CREB5: variants seen among roughly 807,000 people sequenced by gnomAD.
CREB5 encodes cyclic AMP-responsive element-binding protein 5.
A neutral mutation model predicts 57.1 loss-of-function variants in CREB5; 19 were observed. The ratio of observed to expected loss-of-function variants is 0.33; its 90% CI spans 0.23 to 0.49. The LOEUF is 0.49. Ranked by LOEUF, CREB5 falls within the 20% of genes least tolerant of loss-of-function variation. The pLI, the probability that CREB5 is intolerant of heterozygous loss-of-function variation, is 0.99. For missense variants in CREB5, 579 were observed against 671.6 expected (o/e 0.86, Z 1.52); for synonymous variants, 238 against 238.3 (o/e 1.00, Z 0.01).
intron 1 of CREB5, among the ~76,000 whole-genome samples, chr7:28,319,865 A>T (rs564291462): frequency 6.6e-6 from 1 of 152,060 alleles, no homozygotes; most frequent in Non-Finnish European, 1.5e-5. Context: ...CTCATGGAAA[A>T]CATTCCCCTT....
chr7:28,555,596 G>A (rs1355273630), intron 4 of CREB5, among the ~76,000 whole-genome samples: 4 of 151,972 alleles, frequency 2.6e-5, no homozygotes, highest in Non-Finnish European at 5.9e-5. Flanking sequence ...TTACATATAG[G>A]GCTGTAATTT....
chr7:28,339,649 G>A (rs1785894935), intron 1 of CREB5, among the ~76,000 whole-genome samples: 2 of 152,168 alleles, frequency 1.3e-5, no homozygotes, highest in South Asian at 4.1e-4. Context: ...TACCACCTAT[G>A]TTCACTCAAG....
intron 7 of CREB5, among the ~76,000 whole-genome samples, chr7:28,795,062 G>A (rs764165402): frequency 9.9e-5 from 15 of 152,048 alleles, no homozygotes; most frequent in Non-Finnish European, 1.6e-4. Context: ...ATGGCCCTGC[G>A]GAGAACAGGA....
intron 7 of CREB5, among the ~76,000 whole-genome samples, chr7:28,776,308 C>T (rs1315074160): frequency 6.1e-5 from 9 of 147,668 alleles, no homozygotes; most frequent in Admixed American, 2.1e-4. Flanking sequence ...ACTGCACTCC[C>T]GCCTGGGCGA....
At chr7:28,594,365 G>A (rs1796626192) in intron 5 of CREB5, among the ~76,000 whole-genome samples, 1 of 152,158 alleles carries the variant, frequency 6.6e-6, no homozygotes, top group South Asian at 2.1e-4. Flanking sequence ...TTAAAGGTAA[G>A]GTAAATCTAG....
At chr7:28,611,672 CTAAATAAA>C (rs111666594) in intron 5 of CREB5, among the ~76,000 whole-genome samples, 3,429 of 135,266 alleles carry the variant, frequency 0.025, 109 homozygotes, top group African/African-American at 0.083. Context: ...ACTCTGTCTC[CTAAATAAA>C]TAAATAAATA....
chr7:28,645,042 GGA>G (rs1798837761), intron 5 of CREB5, among the ~76,000 whole-genome samples: 1 of 152,158 alleles, frequency 6.6e-6, no homozygotes, highest in South Asian at 2.1e-4. Context: ...TGTCAAGATA[GGA>G]ATGTCCAGAT....
intron 1 of CREB5, among the ~76,000 whole-genome samples, chr7:28,334,364 C>G (rs1376975372): frequency 6.6e-6 from 1 of 152,116 alleles, no homozygotes; most frequent in Admixed American, 6.5e-5. Context: ...ACCATGTTGC[C>G]CAGGCTGGTC....
At chr7:28,408,502 C>A (rs571771201), upstream of CREB5, among the ~76,000 whole-genome samples, 2 of 152,190 alleles carry the variant, frequency 1.3e-5, no homozygotes, top group African/African-American at 4.8e-5. Context: ...GCAGTCTGGC[C>A]CTGGCTCTGC....
chr7:28,333,406 T>C (rs1338163265), intron 1 of CREB5, among the ~76,000 whole-genome samples: 3 of 152,240 alleles, frequency 2.0e-5, no homozygotes, highest in Non-Finnish European at 4.4e-5. Flanking sequence ...ACAATCCGAT[T>C]ATACTCTTTC....
chr7:28,642,965 C>CACACACACACACACACACAT (rs1798721812), intron 5 of CREB5, among the ~76,000 whole-genome samples: 1 of 75,588 alleles, frequency 1.3e-5, no homozygotes, highest in African/African-American at 5.5e-5. Context: ...CACACACACA[C>CACACACACACACACACACAT]ACACACACAC....
rs1467935536 is a variant in CREB5 at position 28,560,931 on chromosome 7, T to TGCGCGC, written c.292-9433_292-9432insCGCGCG. Among the ~76,000 whole-genome samples, 23 of 48,552 alleles carry TGCGCGC rather than the reference T, an allele frequency of 4.7e-4. 3 individuals are homozygous for TGCGCGC. The highest frequency in any genetic ancestry group is 1.6e-3 in the South Asian group (2 of 1,224). 31.9% of individuals were successfully genotyped at this position (48,552 alleles called of 152,430 possible). On this transcript the variant is annotated intron_variant, in intron 4 of 10. Coordinates refer to ENST00000357727, the MANE Select transcript of CREB5 (RefSeq NM_182898.4). ...GTGCGTGTGCGTGTGTGCGCGTGCG[T>TGCGCGC]GTGTGCGTGCGTGTGTGTGCGTGTG...
intron 7 of CREB5, among the ~76,000 whole-genome samples, chr7:28,799,692 A>G (rs1396859973): frequency 1.3e-5 from 2 of 152,212 alleles, no homozygotes; most frequent in African/African-American, 4.8e-5. Context: ...CACGTTTTCA[A>G]GGAAAATACA....
chr7:28,739,664 A>G (rs1027888818), intron 7 of CREB5, among the ~76,000 whole-genome samples: 2 of 152,220 alleles, frequency 1.3e-5, no homozygotes, highest in Admixed American at 1.3e-4. Flanking sequence ...CAGACTGGTT[A>G]GTTCAAGTGT....
intron 5 of CREB5, among the ~76,000 whole-genome samples, chr7:28,654,300 G>T (rs1034732603): frequency 6.6e-6 from 1 of 152,160 alleles, no homozygotes; most frequent in African/African-American, 2.4e-5. Context: ...GACACCACTC[G>T]AACAGCTGGG....
At chr7:28,601,351 C>T (rs952147194) in intron 5 of CREB5, among the ~76,000 whole-genome samples, 3 of 152,018 alleles carry the variant, frequency 2.0e-5, no homozygotes, top group East Asian at 1.9e-4. Context: ...ATGAAAAAGG[C>T]ATTTGCAGGG....
chr7:28,705,085 C>G (rs1275601482), intron 5 of CREB5, among the ~76,000 whole-genome samples: 1 of 152,192 alleles, frequency 6.6e-6, no homozygotes, highest in Non-Finnish European at 1.5e-5. Context: ...AAGCTATCGG[C>G]TGGGCATGGT....
At position 28,718,740 on chromosome 7, in the gene CREB5, T is replaced by A. The variant is rs770712808; in HGVS notation, c.465-13T>A. The A allele has an allele frequency of 1.2e-6, 2 of 1,613,278 alleles. No individual in the cohort carries two copies. Among genetic ancestry groups the A allele is most frequent in the Non-Finnish European group, 1.7e-6 (2 of 1,179,810 alleles). On this transcript the variant is annotated splice_polypyrimidine_tract_variant and intron_variant, in intron 5 of 10. Coordinates refer to ENST00000357727, the MANE Select transcript of CREB5 (RefSeq NM_182898.4). ...CCAGGAATCATGTTTGTTTGTTTTT[T>A]TCTTTGTCCCAGGCCTGTCCCAGGC...
intron 1 of CREB5, among the ~76,000 whole-genome samples, chr7:28,350,426 A>T (rs1043545988): frequency 4.6e-5 from 7 of 151,898 alleles, no homozygotes; most frequent in African/African-American, 1.7e-4. Flanking sequence ...TTATCATGTG[A>T]TGTGGGTGGA....
Sources: gnomAD v4.1 joint callset for allele counts (sites outside exome capture counted in the v4.1 genomes callset) on GRCh38, gnomAD v4.1.1 for gene constraint, MANE v1.5 for transcripts, NCBI Gene and HGNC (gene_info 2026-07-23, HGNC 2026-07-21) for gene names.